Variants in MTUS2 observed in about 807,000 individuals in gnomAD.
MTUS2 encodes microtubule associated scaffold protein 2.
A neutral mutation model predicts 114.1 loss-of-function variants in MTUS2; 40 were observed. The ratio of observed to expected loss-of-function variants is 0.35; its 90% CI spans 0.27 to 0.46. MTUS2 has a LOEUF of 0.46. MTUS2 is among the 20% of genes least tolerant of loss of function. The pLI is 1.00. For missense variants in MTUS2, 1,679 were observed against 1,705.4 expected (o/e 0.98, Z 0.27); for synonymous variants, 688 against 672.0 (o/e 1.02, Z -0.37).
rs551364994 is a variant in MTUS2 at position 29,461,772 on chromosome 13, A to G, written c.3185-18378A>G. 2.6e-5 allele frequency among the ~76,000 whole-genome samples: 4 copies of G among 152,366 alleles called. No homozygotes were observed. In the South Asian group the frequency reaches 6.2e-4, roughly 24 times the overall value. On this transcript the variant is annotated intron_variant, in intron 9 of 15. Coordinates refer to ENST00000612955, the MANE Select transcript of MTUS2 (RefSeq NM_001033602.4). Reference sequence around the variant, plus strand: ...TTGAAAATCAAGAGAACTCTAAGTTATCATGAATGTAGCTGTAAGAAGCAG... The same window carrying G: ...TTGAAAATCAAGAGAACTCTAAGTTGTCATGAATGTAGCTGTAAGAAGCAG...
chr13:29,438,520 G>A (rs1252888892), intron 8 of MTUS2, among the ~76,000 whole-genome samples: 1 of 152,100 alleles, frequency 6.6e-6, no homozygotes, highest in African/African-American at 2.4e-5. Context: ...ATCCTCACAC[G>A]GAGGAAGGGG....
At chr13:28,835,316 T>A (rs566975468) in intron 1 of MTUS2, among the ~76,000 whole-genome samples, 1 of 152,230 alleles carries the variant, frequency 6.6e-6, no homozygotes, top group Non-Finnish European at 1.5e-5. Flanking sequence ...AGAATATTAT[T>A]CAGCCATAAA....
intron 10 of MTUS2, chr13:29,485,341 G>A (rs574674093): frequency 2.8e-4 from 43 of 152,734 alleles, no homozygotes; most frequent in African/African-American, 9.6e-4. Flanking sequence ...AGGAGAAGAC[G>A]TTATATGGAT....
At chr13:29,440,081 A>G in intron 9 of MTUS2, 32 bp downstream of exon 9, 1 of 1,555,798 alleles carries the variant, frequency 6.4e-7, no homozygotes, top group South Asian at 1.2e-5. Context: ...AGGAGCATAA[A>G]GAATGTCTTT....
intron 11 of MTUS2, among the ~76,000 whole-genome samples, 157 bp from the exon 12 acceptor site, chr13:29,492,489 C>G (rs1882260030): frequency 6.6e-6 from 1 of 151,968 alleles, no homozygotes. Flanking sequence ...TCATGACATA[C>G]AATTTCAAAC....
At chr13:28,958,947 A>T (rs630086) in intron 2 of MTUS2, among the ~76,000 whole-genome samples, 5 of 152,122 alleles carry the variant, frequency 3.3e-5, no homozygotes, top group Admixed American at 2.6e-4. Context: ...AGCTGGACTT[A>T]TGCTTCTGGG....
chr13:29,168,888 C>CTGTGTGTGTGTGTGTGTGTGTGTGTGTG lies in MTUS2; in HGVS notation c.2644+67921_2644+67948dup, dbSNP rs57636866. ...ATTTGTCTCCTTTCACTTTATGAAT[C>CTGTGTGTGTGTGTGTGTGTGTGTGTGTG]TGTGTGTGTGTGTGTGTGTGTGTGT... On this transcript the variant is annotated intron_variant, in intron 5 of 15. Transcript: ENST00000612955. Among the ~76,000 whole-genome samples the CTGTGTGTGTGTGTGTGTGTGTGTGTGTG allele has an allele frequency of 2.1e-3, 287 of 138,454 alleles. 3 individuals are homozygous for CTGTGTGTGTGTGTGTGTGTGTGTGTGTG. The highest frequency in any genetic ancestry group is 9.4e-4 in the Non-Finnish European group (61 of 64,828). The allele number at this position is 138,454 out of a possible 152,430, so 90.8% of individuals were successfully genotyped here.
chr13:29,103,034 A>G (rs562882878), intron 5 of MTUS2, among the ~76,000 whole-genome samples: 27 of 152,314 alleles, frequency 1.8e-4, no homozygotes, highest in African/African-American at 6.5e-4. Context: ...GGAAACAGCC[A>G]ATGTGGTATC....
At position 29,337,792 on chromosome 13, in the gene MTUS2, GGTT is replaced by G. The variant is rs1444367513; in HGVS notation, c.2905+13082_2905+13084del. Among the ~76,000 whole-genome samples the G allele has an allele frequency of 5.7e-3, 604 of 106,652 alleles. 4 individuals are homozygous for G. The highest frequency in any genetic ancestry group is 0.024 in the African/African-American group (564 of 23,604). The allele number at this position is 106,652 out of a possible 152,430, so 70.0% of individuals were successfully genotyped here. A position where few individuals can be genotyped will look rare whatever the true frequency, so the allele number is the denominator to read the frequency against. ...AATTTTTTGTTTGTTTGTTTGTTTTGGTTTTTTTTTTTTTGAGACAGAGTCTCG... is the reference window on the plus strand; with the variant it reads ...AATTTTTTGTTTGTTTGTTTGTTTTGTTTTTTTTTTTGAGACAGAGTCTCG... On this transcript the variant is annotated intron_variant, in intron 7 of 15. Coordinates refer to ENST00000612955, the MANE Select transcript of MTUS2 (RefSeq NM_001033602.4).
chr13:29,002,427 ACTATATG>A (rs1455337296), intron 2 of MTUS2, among the ~76,000 whole-genome samples: 1 of 152,210 alleles, frequency 6.6e-6, no homozygotes, highest in Non-Finnish European at 1.5e-5. Flanking sequence ...TATACTATAT[ACTATATG>A]CTTTTCAATT....
chr13:28,823,468 T>G (rs765952775), intron 1 of MTUS2, among the ~76,000 whole-genome samples: 16 of 152,246 alleles, frequency 1.1e-4, no homozygotes, highest in Non-Finnish European at 1.6e-4. Context: ...TCTTATCATC[T>G]TGACCCTTCC....
intron 7 of MTUS2, among the ~76,000 whole-genome samples, chr13:29,352,061 A>C (rs969272509): frequency 1.3e-5 from 2 of 152,158 alleles, no homozygotes; most frequent in African/African-American, 2.4e-5. Flanking sequence ...ATGCATCTGC[A>C]AGTGTTGGTT....
At chr13:29,456,961 C>T (rs1244733253) in intron 9 of MTUS2, among the ~76,000 whole-genome samples, 2 of 151,264 alleles carry the variant, frequency 1.3e-5, no homozygotes, top group African/African-American at 2.4e-5. Context: ...CATGGTGAAA[C>T]CCCGTCTCTA....
At chr13:29,194,847 A>C (rs59425466) in intron 5 of MTUS2, among the ~76,000 whole-genome samples, 12,732 of 151,566 alleles carry the variant, frequency 0.084, 675 homozygotes, top group African/African-American at 0.15. Context: ...AACCAACCCA[A>C]ATGTCCAACA....
chr13:29,214,180 GTT>G (rs33911822), intron 5 of MTUS2, among the ~76,000 whole-genome samples: 102,383 of 144,924 alleles, frequency 0.71, 35,913 homozygotes, highest in East Asian at 0.79. Context: ...ATACTACATT[GTT>G]TTTTTTTTTT....
At chr13:29,270,628 A>C (rs1897848845) in intron 5 of MTUS2, among the ~76,000 whole-genome samples, 1 of 152,220 alleles carries the variant, frequency 6.6e-6, no homozygotes, top group Non-Finnish European at 1.5e-5. Context: ...GGGGAGGAAC[A>C]ATGTGGACAG....
intron 5 of MTUS2, among the ~76,000 whole-genome samples, chr13:29,249,944 C>T (rs1897065844): frequency 6.6e-6 from 1 of 152,036 alleles, no homozygotes; most frequent in Admixed American, 6.5e-5. Flanking sequence ...CTAGGCAATA[C>T]CATTCAGGAC....
intron 4 of MTUS2, among the ~76,000 whole-genome samples, chr13:29,060,163 AC>A (rs1375438244): frequency 1.3e-5 from 2 of 152,214 alleles, no homozygotes; most frequent in Non-Finnish European, 2.9e-5. Context: ...AAGCACCATG[AC>A]TGTGGCCTCT....
chr13:28,888,429 T>TC (rs1878719589), intron 2 of MTUS2, among the ~76,000 whole-genome samples: 1 of 151,010 alleles, frequency 6.6e-6, no homozygotes, highest in Non-Finnish European at 1.5e-5. Context: ...CTTTTTTTTT[T>TC]TTTTTTTGAT....
Sources: gnomAD v4.1 joint callset for allele counts (sites outside exome capture counted in the v4.1 genomes callset) on GRCh38, gnomAD v4.1.1 for gene constraint, MANE v1.5 for transcripts, NCBI Gene and HGNC (gene_info 2026-07-23, HGNC 2026-07-21) for gene names.